The following OXR1 variants were observed in gnomAD, a reference collection of about 807,000 sequenced individuals.
OXR1 encodes the protein oxidation resistance protein 1.
A neutral mutation model predicts 104.6 loss-of-function variants in OXR1; 41 were observed. The observed-to-expected ratio is 0.39, with a 90% CI of 0.31 to 0.51. The LOEUF is 0.51. Among genes scored for constraint, OXR1 ranks in the 20% least tolerant of loss-of-function variants. The pLI, the probability that OXR1 is intolerant of heterozygous loss-of-function variation, is 0.77. For synonymous variants in OXR1, 348 were observed against 348.4 expected (o/e 1.00, Z 0.01); for missense variants, 955 against 1,031.9 (o/e 0.93, Z 1.02).
chr8:106,286,134 T>A (rs1812491334), intron 1 of OXR1, among the ~76,000 whole-genome samples: 1 of 152,170 alleles, frequency 6.6e-6, no homozygotes, highest in East Asian at 1.9e-4. Flanking sequence ...AAAAACATGC[T>A]GTCTTTCTCA....
At chr8:106,309,085 C>T (rs895494920) in intron 1 of OXR1, among the ~76,000 whole-genome samples, 1 of 151,636 alleles carries the variant, frequency 6.6e-6, no homozygotes, top group African/African-American at 2.4e-5. Context: ...TTCAAGAGAT[C>T]CTCCTGCGTC....
At chr8:106,436,522 C>CAAAAAAA (rs11423598) in intron 2 of OXR1, among the ~76,000 whole-genome samples, 1 of 122,456 alleles carries the variant, frequency 8.2e-6, no homozygotes. Flanking sequence ...TGTGCCTATG[C>CAAAAAAA]AAAAAAAAAA....
rs145739822 is a variant in OXR1, at chr8:106,726,258, G to A, written c.1957-11262G>A. On this transcript the variant is annotated intron_variant, in intron 11 of 16. Transcript: ENST00000517566. Reference sequence around the variant, plus strand: ...CTGGAAAGGAAATGTCTCGTCTCTGGTATGGGAAAAAAGGGAGAAGACATC... The same window carrying A: ...CTGGAAAGGAAATGTCTCGTCTCTGATATGGGAAAAAAGGGAGAAGACATC... The A allele has an allele frequency of 5.1e-3, 7,773 of 1,527,028 alleles. 23 individuals are homozygous for A. Among genetic ancestry groups the A allele is most frequent in the Non-Finnish European group, 5.9e-3 (6,780 of 1,142,158 alleles). The allele number at this position is 1,527,028 out of a possible 1,614,324, so 94.6% of individuals were successfully genotyped here.
intron 12 of OXR1, 106 bp downstream of exon 12, chr8:106,737,706 AC>A: frequency 2.4e-6 from 1 of 418,394 alleles, no homozygotes; most frequent in Admixed American, 4.3e-5. Flanking sequence ...TGACTGCAGC[AC>A]TAAAATTAAA....
intron 3 of OXR1, among the ~76,000 whole-genome samples, chr8:106,544,358 T>G (rs1054748094): frequency 6.6e-6 from 1 of 152,210 alleles, no homozygotes; most frequent in Non-Finnish European, 1.5e-5. Flanking sequence ...ATGAGCATTT[T>G]TGTTAGAAAG....
chr8:106,425,717 A>G (rs1819090276), intron 2 of OXR1, among the ~76,000 whole-genome samples: 1 of 152,192 alleles, frequency 6.6e-6, no homozygotes, highest in Admixed American at 6.5e-5. Flanking sequence ...AAGACTGGGA[A>G]GGAAAGGAAA....
chr8:106,629,446 TC>T (rs1822481269), intron 3 of OXR1, among the ~76,000 whole-genome samples: 1 of 152,178 alleles, frequency 6.6e-6, no homozygotes, highest in Non-Finnish European at 1.5e-5. Flanking sequence ...TGACTACTCG[TC>T]TAGGGTCCTA....
chr8:106,668,510 C>A (rs1414491411), intron 3 of OXR1, among the ~76,000 whole-genome samples: 1 of 152,114 alleles, frequency 6.6e-6, no homozygotes, highest in African/African-American at 2.4e-5. Flanking sequence ...GTTGATGGAG[C>A]AGCCACTATA....
chr8:106,389,945 A>G (rs1272115792), intron 2 of OXR1, among the ~76,000 whole-genome samples: 1 of 152,082 alleles, frequency 6.6e-6, no homozygotes, highest in Non-Finnish European at 1.5e-5. Context: ...AGGTGCCTGT[A>G]GTCCCAGCTA....
chr8:106,559,324 A>G (rs1816509336), intron 3 of OXR1, among the ~76,000 whole-genome samples: 1 of 152,182 alleles, frequency 6.6e-6, no homozygotes, highest in Non-Finnish European at 1.5e-5. Context: ...CACACAGGTA[A>G]TCTCTAAGAA....
intron 2 of OXR1, among the ~76,000 whole-genome samples, chr8:106,417,466 C>T (rs1423837021): frequency 6.6e-6 from 1 of 152,100 alleles, no homozygotes; most frequent in African/African-American, 2.4e-5. Flanking sequence ...TTACTTCAGA[C>T]TGTGAGTTTG....
chr8:106,715,412 T>A, intron 11 of OXR1, among the ~76,000 whole-genome samples: 1 of 148,064 alleles, frequency 6.8e-6, no homozygotes, highest in Middle Eastern at 3.6e-3. Context: ...ATAATATATA[T>A]AATACGTATA....
intron 2 of OXR1, among the ~76,000 whole-genome samples, chr8:106,360,485 A>C (rs1405316143): frequency 6.6e-6 from 1 of 152,114 alleles, no homozygotes; most frequent in African/African-American, 2.4e-5. Context: ...TAGCTCCATA[A>C]ATTTATTTTT....
chr8:106,739,403 T>G (rs1393144141), intron 12 of OXR1, 55 bp from the exon 13 acceptor site: 2 of 1,511,908 alleles, frequency 1.3e-6, no homozygotes, highest in Non-Finnish European at 1.8e-6. Flanking sequence ...GTCTGACAAT[T>G]TTGAAAGCAT....
intron 2 of OXR1, among the ~76,000 whole-genome samples, chr8:106,516,962 T>C (rs959606219): frequency 2.0e-5 from 3 of 152,180 alleles, no homozygotes; most frequent in Non-Finnish European, 4.4e-5. Context: ...ATCTGTGGTT[T>C]CAAGCATCCA....
chr8:106,288,849 G>A (rs985790477), intron 1 of OXR1, among the ~76,000 whole-genome samples: 1 of 151,442 alleles, frequency 6.6e-6, no homozygotes, highest in African/African-American at 2.4e-5. Flanking sequence ...TTTTCATTCT[G>A]AATTTCAGGG....
intron 3 of OXR1, among the ~76,000 whole-genome samples, chr8:106,541,739 G>T (rs1021701839): frequency 6.6e-6 from 1 of 152,176 alleles, no homozygotes. Flanking sequence ...AGTGAGGGTT[G>T]GAGAAGCAGG....
chr8:106,324,058 C>T (rs144916641), intron 1 of OXR1, among the ~76,000 whole-genome samples: 52 of 152,182 alleles, frequency 3.4e-4, no homozygotes, highest in African/African-American at 1.0e-3. Context: ...GATGCATGCA[C>T]GTAAATGTTC....
rs528797604 is a variant in OXR1, at chr8:106,572,247, A to G, written c.220+53108A>G. ...CTGACAGCCTTCCTTCATTTTACCT[A>G]GCTTCCATCCCTTCAGTTCAAACTG... On this transcript the variant is annotated intron_variant, in intron 3 of 16. Transcript: ENST00000517566. Among the ~76,000 whole-genome samples, 5 of 152,230 alleles carry G rather than the reference A, an allele frequency of 3.3e-5. No homozygotes were observed. The South Asian group carries it at 1.0e-3, about 32-fold the overall frequency.
Sources: allele counts gnomAD v4.1 joint callset (sites outside exome capture counted in the v4.1 genomes callset), GRCh38; gene constraint gnomAD v4.1.1; transcripts MANE v1.5; gene names NCBI Gene and HGNC (gene_info 2026-07-23, HGNC 2026-07-21).